Variants in PRP4K observed in about 807,000 individuals in gnomAD.
The protein encoded by PRP4K is serine/threonine-protein kinase PRP4 homolog.
chr6:4,023,785 C>T, the PRP4K span, among the ~76,000 whole-genome samples: 1 of 152,120 alleles, frequency 6.6e-6, no homozygotes, highest in Non-Finnish European at 1.5e-5. Context: ...ATTATCATGG[C>T]TCATTGTAGC....
the PRP4K span, chr6:4,062,769 C>T: frequency 6.6e-6 from 1 of 152,586 alleles, no homozygotes. This position sits in a 1 kb window ranked among gnomAD's most constrained non-coding sequence, Gnocchi z 4.2. Flanking sequence ...AGGTGATTTT[C>T]ATCTTCAGGT....
the PRP4K span, chr6:4,031,748 A>G: frequency 6.2e-7 from 1 of 1,602,446 alleles, no homozygotes; most frequent in Non-Finnish European, 8.5e-7. Flanking sequence ...AACATAAGAA[A>G]CACAAAAGAA....
the PRP4K span, chr6:4,040,667 T>G: frequency 3.2e-6 from 4 of 1,238,646 alleles, no homozygotes; most frequent in Admixed American, 5.8e-5. Flanking sequence ...ACAGCAAAAT[T>G]GAGTAGAAAG....
At chr6:4,059,499 T>A in the PRP4K span, among the ~76,000 whole-genome samples, 1 of 152,366 alleles carries the variant, frequency 6.6e-6, no homozygotes, top group Non-Finnish European at 1.5e-5. Flanking sequence ...TATGTCCCTG[T>A]CTTTGTCAGA....
chr6:4,032,867 T>C, the PRP4K span: 15 of 1,206,132 alleles, frequency 1.2e-5, no homozygotes, highest in African/African-American at 9.5e-5. Flanking sequence ...TAAAAATAAA[T>C]GAAGTAGTAA....
At chr6:4,056,239 C>A in the PRP4K span, 1 of 992,180 alleles carries the variant, frequency 1.0e-6, no homozygotes, top group Admixed American at 2.2e-5. Flanking sequence ...ATTAATAAAA[C>A]TTTTCAAAGC....
chr6:4,046,664 T>C, the PRP4K span, among the ~76,000 whole-genome samples: 3 of 151,736 alleles, frequency 2.0e-5, no homozygotes, highest in Admixed American at 6.6e-5. Flanking sequence ...TTTCAACTTT[T>C]TTTTTTTTTT....
the PRP4K span, chr6:4,042,610 G>A: frequency 6.6e-7 from 1 of 1,522,440 alleles, no homozygotes; most frequent in Non-Finnish European, 8.9e-7. Context: ...TGTAGTAAAA[G>A]ATTTTTTTGC....
At chr6:4,062,450 G>T in the PRP4K span, 1 of 152,568 alleles carries the variant, frequency 6.6e-6, no homozygotes, top group East Asian at 1.9e-4. The surrounding 1 kb of genome is among the most constrained non-coding windows in gnomAD (Gnocchi z 4.2). Context: ...TTGCTGTTTG[G>T]GGGGTAAAAT....
At chr6:4,036,687 G>A in the PRP4K span, among the ~76,000 whole-genome samples, 87 of 152,082 alleles carry the variant, frequency 5.7e-4, no homozygotes, top group African/African-American at 2.0e-3. Context: ...TATTATACTT[G>A]ACATTAAAAA....
the PRP4K span, among the ~76,000 whole-genome samples, chr6:4,028,861 G>GT: frequency 6.6e-6 from 1 of 151,970 alleles, no homozygotes; most frequent in East Asian, 1.9e-4. Context: ...CTCCCAGCAA[G>GT]TTTATTCAAG....
chr6:4,032,343 A>G, the PRP4K span: 2 of 1,613,938 alleles, frequency 1.2e-6, no homozygotes, highest in African/African-American at 2.7e-5. Context: ...AGATAGGAAA[A>G]AATCCCCAAT....
chr6:4,031,926 T>G, the PRP4K span: 3 of 1,613,942 alleles, frequency 1.9e-6, no homozygotes, highest in East Asian at 6.7e-5. Context: ...GGGGCTCATT[T>G]TGCAAGGTTA....
the PRP4K span, chr6:4,021,336 C>T: frequency 6.6e-7 from 1 of 1,525,966 alleles, no homozygotes; most frequent in Non-Finnish European, 8.9e-7. Flanking sequence ...GGCACATGCG[C>T]GGCAGCTCTT....
chr6:4,050,676 A>G, the PRP4K span: 1 of 154,502 alleles, frequency 6.5e-6, no homozygotes, highest in African/African-American at 2.4e-5. Flanking sequence ...CTGAGCTGGT[A>G]TTAAAATGAA....
chr6:4,049,678 T>C, the PRP4K span: 1 of 1,529,288 alleles, frequency 6.5e-7, no homozygotes, highest in Non-Finnish European at 9.0e-7. Context: ...GTTTCCTACT[T>C]TCTGATTCTA....
chr6:4,021,569 A>G, the PRP4K span: 5 of 1,495,246 alleles, frequency 3.3e-6, no homozygotes, highest in Non-Finnish European at 4.5e-6. Context: ...CGAGAGTCAA[A>G]CTTTGCTTTT....
At chr6:4,058,961 A>G in the PRP4K span, 1 of 569,404 alleles carries the variant, frequency 1.8e-6, no homozygotes, top group South Asian at 2.7e-5. Context: ...AAAACACATC[A>G]GACCATGGAA....
At chr6:4,056,868 C>T in the PRP4K span, 1 of 1,066,420 alleles carries the variant, frequency 9.4e-7, no homozygotes, top group Non-Finnish European at 1.3e-6. Flanking sequence ...GTTTGAGTCT[C>T]TATTAAGAAT....
Sources: gnomAD v4.1 joint callset for allele counts (sites outside exome capture counted in the v4.1 genomes callset) on GRCh38, gnomAD v4.1.1 for gene constraint, Gnocchi (gnomAD v3.1) non-coding constraint, MANE v1.5 for transcripts, NCBI Gene and HGNC (gene_info 2026-07-23, HGNC 2026-07-21) for gene names.